MATR3: variants seen among roughly 807,000 people sequenced by gnomAD.
MATR3 encodes matrin 3.
A neutral mutation model predicts 85.5 loss-of-function variants in MATR3; 4 were observed. That is an observed-to-expected ratio of 0.05 (90% CI 0.02 to 0.11). The LOEUF (loss-of-function observed/expected upper bound fraction) is 0.11. Among genes scored for constraint, MATR3 ranks in the 10% least tolerant of loss-of-function variants. The probability of loss-of-function intolerance (pLI) is 1.00; values close to 1 mark genes in which losing one functional copy is unlikely to be tolerated. For synonymous variants in MATR3, 336 were observed against 343.1 expected (o/e 0.98, Z 0.23); for missense variants, 685 against 1,016.1 (o/e 0.67, Z 4.43).
intron 9 of MATR3, chr5:139,321,675 T>C (rs142188309): frequency 1.3e-5 from 7 of 553,072 alleles, no homozygotes; most frequent in Admixed American, 3.1e-5. Flanking sequence ...ACCTAGCTAC[T>C]GGGGGGCTAA....
At chr5:139,287,770 C>T (rs1439553267) in intron 3 of MATR3, among the ~76,000 whole-genome samples, 1 of 152,206 alleles carries the variant, frequency 6.6e-6, no homozygotes, top group East Asian at 1.9e-4. Context: ...CAGCTTTTTA[C>T]CCATGCCTGC....
intron 1 of MATR3, among the ~76,000 whole-genome samples, chr5:139,306,176 G>T (rs372044933): frequency 1.3e-5 from 2 of 152,076 alleles, no homozygotes; most frequent in Non-Finnish European, 2.9e-5. Context: ...TATGACAATC[G>T]TGATATAAAA....
rs1191555532 is a variant in MATR3, at chr5:139,318,825, A to AT, written c.1309-77dup. ...ATCTGAAAAGATTTGGGGCATTGTT[A>AT]TTTTTTAGGAAAAAAAATCTTTAGT... On this transcript the variant is annotated intron_variant, in intron 7 of 14. Coordinates refer to ENST00000394805, the MANE Select transcript of MATR3 (RefSeq NM_018834.6). 43 of 1,337,496 alleles carry AT rather than the reference A, an allele frequency of 3.2e-5. No homozygotes were observed. In the South Asian group the frequency reaches 3.9e-4, roughly 12 times the overall value. The allele number at this position is 1,337,496 out of a possible 1,614,324, so 82.9% of individuals were successfully genotyped here.
intron 6 of MATR3, among the ~76,000 whole-genome samples, chr5:139,317,315 T>G (rs1272583010): frequency 6.6e-6 from 1 of 152,240 alleles, no homozygotes; most frequent in African/African-American, 2.4e-5. Context: ...ATTCAGCATC[T>G]TGGAAGCTTT....
rs1756154570 is a variant in MATR3 at position 139,331,626 on chromosome 5, T to C, written c.*2231T>C. 2.2e-6 allele frequency: 1 copy of C among 453,902 alleles called. No homozygotes were observed. The highest frequency in any genetic ancestry group is 2.0e-5 in the African/African-American group (1 of 50,126). 28.1% of individuals were successfully genotyped at this position (453,902 alleles called of 1,614,324 possible). A position where few individuals can be genotyped will look rare whatever the true frequency, so the allele number is the denominator to read the frequency against. Reference sequence around the variant, plus strand: ...TCCTACGGCTATGTCAGCCCTTAGTTTAATCTTACATTATCCTACAAAAGT... The same window carrying C: ...TCCTACGGCTATGTCAGCCCTTAGTCTAATCTTACATTATCCTACAAAAGT... On this transcript the variant is annotated 3_prime_UTR_variant, in exon 15 of 15. Transcript: ENST00000394805.
chr5:139,294,082 G>A (rs954469421), intron 1 of MATR3: 7 of 1,258,920 alleles, frequency 5.6e-6, no homozygotes, highest in Non-Finnish European at 7.0e-6. Context: ...GGGTGCGGCG[G>A]GAGATTTTGG....
upstream of MATR3, among the ~76,000 whole-genome samples, chr5:139,291,154 T>G (rs1284474356): frequency 1.3e-5 from 2 of 152,160 alleles, no homozygotes; most frequent in Admixed American, 6.5e-5. Flanking sequence ...TTCTGCAGTT[T>G]CCCAAAGTCT....
intron 1 of MATR3, chr5:139,294,213 C>T (rs1754011886): frequency 4.2e-6 from 2 of 476,014 alleles, no homozygotes; most frequent in African/African-American, 2.0e-5. Context: ...GGAGCTCGCT[C>T]GAGGCCTGAG....
At position 139,325,676 on chromosome 5, in the gene MATR3, C is replaced by T. The variant is rs1755820190; in HGVS notation, c.2371+14C>T. 1 of 1,585,718 alleles carries T rather than the reference C, an allele frequency of 6.3e-7. No individual in the cohort carries two copies. Among genetic ancestry groups the T allele is most frequent in the South Asian group, 1.1e-5 (1 of 90,192 alleles). On this transcript the variant is annotated intron_variant, in intron 13 of 14. Coordinates refer to ENST00000394805, the MANE Select transcript of MATR3 (RefSeq NM_018834.6). ...ATGTTCCTGTTGGTGAGATTTAAGT[C>T]TTTGTTCTTCACCTTCCTCACTCTC...
intron 7 of MATR3, 92 bp from the exon 8 acceptor site, chr5:139,318,816 G>A (rs929660387): frequency 4.4e-6 from 5 of 1,132,724 alleles, no homozygotes; most frequent in African/African-American, 1.5e-5. Flanking sequence ...AAAGATTTGG[G>A]GCATTGTTAT....
intron 2 of MATR3, chr5:139,311,750 C>CTTTTTTTTTTTTTT (rs552172719): frequency 1.2e-4 from 8 of 65,236 alleles, no homozygotes; most frequent in Non-Finnish European, 1.5e-4. Context: ...TTAATTAATC[C>CTTTTTTTTTTTTTT]TTTTTTTTTT....
At chr5:139,288,086 C>T (rs751200070) in intron 3 of MATR3, among the ~76,000 whole-genome samples, 10 of 152,154 alleles carry the variant, frequency 6.6e-5, no homozygotes, top group African/African-American at 9.6e-5. Flanking sequence ...TTTGGCGGCG[C>T]GCTTCTGTAG....
At position 139,330,975 on chromosome 5, in the gene MATR3, T is replaced by C. The variant is rs1178806456; in HGVS notation, c.*1580T>C. ...CTGGCTAGTTTTTGGTTTTTTTGTATAGATGGGGCTTTGCCATGTTGCCCA... is the reference window on the plus strand; with the variant it reads ...CTGGCTAGTTTTTGGTTTTTTTGTACAGATGGGGCTTTGCCATGTTGCCCA... On this transcript the variant is annotated 3_prime_UTR_variant, in exon 15 of 15. Transcript: ENST00000394805. The C allele has an allele frequency of 6.6e-6, 3 of 454,056 alleles. No individual in the cohort carries two copies. Among genetic ancestry groups the C allele is most frequent in the East Asian group, 6.9e-5 (1 of 14,390 alleles). 28.1% of individuals were successfully genotyped at this position (454,056 alleles called of 1,614,324 possible).
chr5:139,307,521 T>G lies in MATR3; in HGVS notation c.106T>G (p.Leu36Val). The G allele has an allele frequency of 1.2e-6, 2 of 1,614,134 alleles. No individual in the cohort carries two copies. The highest frequency in any genetic ancestry group is 1.7e-6 in the Non-Finnish European group (2 of 1,180,000). Residue 36 changes from leucine to valine, a missense_variant, in exon 2 of 15, where the codon TTA becomes GTA. Physicochemically the swap from Leu to Val is conservative, Grantham distance 32. Transcript: ENST00000394805. This position sits in a 1 kb window ranked among gnomAD's most constrained non-coding sequence, Gnocchi z 4.4. Reference sequence around the variant, plus strand: ...CCTTCTTGCTGCTGCTACCCAGTCTTTAAGTATGCCAGCATCTCTTGGAAG... The same window carrying G: ...CCTTCTTGCTGCTGCTACCCAGTCTGTAAGTATGCCAGCATCTCTTGGAAG... ...IGLLAAATQS[L>V]SMPASLGRMN...
At chr5:139,275,219 G>C (rs936296652) in intron 1 of MATR3, among the ~76,000 whole-genome samples, 2 of 129,794 alleles carry the variant, frequency 1.5e-5, no homozygotes, top group Non-Finnish European at 3.1e-5. Flanking sequence ...GTATGGTCTC[G>C]ATCTCCTGAA....
At chr5:139,301,625 A>G (rs1412019152) in intron 1 of MATR3, among the ~76,000 whole-genome samples, 3 of 151,984 alleles carry the variant, frequency 2.0e-5, no homozygotes, top group Admixed American at 6.6e-5. Flanking sequence ...CCCAGCCCAG[A>G]ATGGAGCCTT....
At chr5:139,302,961 TA>T (rs1388187461) in intron 1 of MATR3, among the ~76,000 whole-genome samples, 1 of 152,190 alleles carries the variant, frequency 6.6e-6, no homozygotes, top group Non-Finnish European at 1.5e-5. Flanking sequence ...ATTATGAAGG[TA>T]TTTTTTTCCC....
chr5:139,284,109 C>T (rs970606261), intron 3 of MATR3, among the ~76,000 whole-genome samples: 11 of 152,186 alleles, frequency 7.2e-5, no homozygotes, highest in Admixed American at 2.0e-4. Context: ...TAATAATAAC[C>T]TCTCTGTCAT....
intron 1 of MATR3, among the ~76,000 whole-genome samples, chr5:139,305,833 AT>A (rs926954945): frequency 1.3e-5 from 2 of 152,102 alleles, no homozygotes; most frequent in East Asian, 3.9e-4. Flanking sequence ...GATTATATCT[AT>A]TTTTTAAAAT....
Sources: allele counts gnomAD v4.1 joint callset (sites outside exome capture counted in the v4.1 genomes callset), GRCh38; gene constraint gnomAD v4.1.1; non-coding constraint Gnocchi (gnomAD v3.1); transcripts MANE v1.5; gene names NCBI Gene and HGNC (gene_info 2026-07-23, HGNC 2026-07-21).